TAF4B: variants seen among roughly 807,000 people sequenced by gnomAD.
The protein encoded by TAF4B is transcription initiation factor TFIID subunit 4B.
TAF4B carries 38 observed loss-of-function variants against 86.4 expected under a neutral mutation model. That is an observed-to-expected ratio of 0.44 (90% CI 0.34 to 0.58). The LOEUF is 0.58. Among genes scored for constraint, TAF4B ranks in the 20% least tolerant of loss-of-function variants. TAF4B has a pLI of 0.02. For missense variants in TAF4B, 988 were observed against 1,027.6 expected (o/e 0.96, Z 0.53); for synonymous variants, 388 against 391.2 (o/e 0.99, Z 0.10).
chr18:26,339,414 C>T (rs578166703), intron 13 of TAF4B, among the ~76,000 whole-genome samples: 1 of 152,178 alleles, frequency 6.6e-6, no homozygotes, highest in African/African-American at 2.4e-5. Flanking sequence ...CAGCTTTGAC[C>T]TCCTGGGCTC....
chr18:26,299,636 G>GA, intron 9 of TAF4B, among the ~76,000 whole-genome samples: 1 of 152,042 alleles, frequency 6.6e-6, no homozygotes. Flanking sequence ...ATTTACCATT[G>GA]AAACTAGATA....
intron 9 of TAF4B, among the ~76,000 whole-genome samples, chr18:26,296,223 T>C (rs1233482078): frequency 6.6e-6 from 1 of 152,194 alleles, no homozygotes; most frequent in East Asian, 1.9e-4. Context: ...ACTCTAAATT[T>C]TCCCCTTTTG....
At chr18:26,333,006 T>C (rs2057063624) in intron 12 of TAF4B, among the ~76,000 whole-genome samples, 1 of 151,752 alleles carries the variant, frequency 6.6e-6, no homozygotes, top group Admixed American at 6.6e-5. Flanking sequence ...TACTGTCCCT[T>C]CTGCTTGGAA....
intron 1 of TAF4B, among the ~76,000 whole-genome samples, chr18:26,241,052 G>T (rs533799041): frequency 1.4e-4 from 21 of 152,074 alleles, no homozygotes; most frequent in African/African-American, 4.8e-4. Flanking sequence ...TCTCTTTTTT[G>T]GTTGTGTCTC....
In TAF4B at chr18:26,285,942, G is replaced by A; in HGVS notation, c.1033G>A (p.Val345Ile). Residue 345 changes from valine to isoleucine, a missense_variant, in exon 7 of 15, where the codon GTT (valine) becomes ATT (isoleucine). Around this residue, in one of 3 missense-constraint regions of TAF4B, gnomAD observed 747 missense variants for 737.9 expected, o/e 1.01. Coordinates refer to ENST00000269142, the MANE Select transcript of TAF4B (RefSeq NM_005640.3). ...PNSQSFIQQC[V>I]QQTSSDMVIA... ...CTCCCAGAGCTTCATCCAGCAATGT[G>A]TTCAGCAGACTTCTAGTGACATGGT... 2 of 1,614,188 alleles carry A rather than the reference G, an allele frequency of 1.2e-6. No homozygotes were observed. The highest frequency in any genetic ancestry group is 1.7e-5 in the Admixed American group (1 of 60,030).
chr18:26,290,339 G>T (rs2056576895), intron 7 of TAF4B, among the ~76,000 whole-genome samples: 3 of 152,110 alleles, frequency 2.0e-5, no homozygotes, highest in South Asian at 4.1e-4. Context: ...TAGAGACAGG[G>T]TCTTGCTATA....
rs552258085 is a variant in TAF4B at position 26,282,968 on chromosome 18, C to T, written c.972+908C>T. The stretch of plus-strand genomic sequence containing the variant: ...GTTTTGTCCTGAGATTGCAGCAATT[C>T]GGTCACATCTTCAGGCTCCACTTTC... On this transcript the variant is annotated intron_variant, in intron 6 of 14. Coordinates refer to ENST00000269142, the MANE Select transcript of TAF4B (RefSeq NM_005640.3). Among the ~76,000 whole-genome samples the T allele has an allele frequency of 2.6e-4, 39 of 152,304 alleles. 1 individual carries two copies. The highest frequency in any genetic ancestry group is 7.7e-4 in the African/African-American group (32 of 41,562).
At chr18:26,377,673 G>T (rs1220238112) in intron 14 of TAF4B, among the ~76,000 whole-genome samples, 1 of 152,168 alleles carries the variant, frequency 6.6e-6, no homozygotes, top group Non-Finnish European at 1.5e-5. Context: ...TTTTGTTGTT[G>T]TTTTATTGTT....
intron 14 of TAF4B, among the ~76,000 whole-genome samples, chr18:26,380,761 G>A (rs1312748847): frequency 6.6e-6 from 1 of 151,558 alleles, no homozygotes; most frequent in African/African-American, 2.4e-5. Context: ...TTTGTTTAAA[G>A]CAGGTCTCTT....
intron 1 of TAF4B, among the ~76,000 whole-genome samples, chr18:26,231,851 A>C (rs771323095): frequency 2.0e-5 from 3 of 151,986 alleles, no homozygotes; most frequent in African/African-American, 7.3e-5. Context: ...GTGGAAGGGG[A>C]CCTGAGCGGG....
chr18:26,241,018 T>G (rs1386841662), intron 1 of TAF4B, among the ~76,000 whole-genome samples: 1 of 152,210 alleles, frequency 6.6e-6, no homozygotes, highest in East Asian at 1.9e-4. Context: ...GTATCGATGT[T>G]CATCAGGGGT....
intron 1 of TAF4B, among the ~76,000 whole-genome samples, chr18:26,249,747 C>G (rs1484432316): frequency 1.3e-5 from 2 of 151,952 alleles, no homozygotes; most frequent in African/African-American, 4.8e-5. Flanking sequence ...GAGACAAAGT[C>G]TCATTCTTTC....
intron 14 of TAF4B, among the ~76,000 whole-genome samples, chr18:26,387,210 C>T (rs1395639927): frequency 1.3e-5 from 2 of 152,060 alleles, no homozygotes; most frequent in Non-Finnish European, 2.9e-5. Context: ...AGCTTACAGA[C>T]GCACACCACC....
At chr18:26,365,213 G>T (rs1598831935) in intron 14 of TAF4B, among the ~76,000 whole-genome samples, 1 of 151,984 alleles carries the variant, frequency 6.6e-6, no homozygotes, top group African/African-American at 2.4e-5. Flanking sequence ...CACTATGTTG[G>T]CCAGGCTGGT....
chr18:26,346,658 G>C (rs1454004523), intron 13 of TAF4B, among the ~76,000 whole-genome samples: 1 of 146,802 alleles, frequency 6.8e-6, no homozygotes, highest in African/African-American at 2.5e-5. Flanking sequence ...TTTCTCAGCA[G>C]AAACTATACA....
At chr18:26,387,687 G>A (rs1238055900) in intron 14 of TAF4B, among the ~76,000 whole-genome samples, 1 of 152,102 alleles carries the variant, frequency 6.6e-6, no homozygotes, top group African/African-American at 2.4e-5. Flanking sequence ...CTGTAGATGG[G>A]CTCTGGGATA....
At chr18:26,288,744 G>A (rs2056557276) in intron 7 of TAF4B, among the ~76,000 whole-genome samples, 1 of 152,124 alleles carries the variant, frequency 6.6e-6, no homozygotes, top group South Asian at 2.1e-4. Context: ...GAACTTCTAG[G>A]TTTCTGGAAT....
chr18:26,277,297 G>C (rs1274348073), intron 5 of TAF4B, among the ~76,000 whole-genome samples: 1 of 152,052 alleles, frequency 6.6e-6, no homozygotes, highest in Non-Finnish European at 1.5e-5. Context: ...TGTTGCTCAG[G>C]CTGATCTCAA....
intron 9 of TAF4B, among the ~76,000 whole-genome samples, chr18:26,313,180 A>G (rs1020787930): frequency 6.6e-6 from 1 of 152,156 alleles, no homozygotes; most frequent in Non-Finnish European, 1.5e-5. Flanking sequence ...AATCTGAGTT[A>G]TGTATTTTTT....
Sources: allele counts gnomAD v4.1 joint callset (sites outside exome capture counted in the v4.1 genomes callset), GRCh38; gene constraint gnomAD v4.1.1; regional missense constraint gnomAD v4.1.1; transcripts MANE v1.5; gene names NCBI Gene and HGNC (gene_info 2026-07-23, HGNC 2026-07-21).